The following SHISA9 variants were observed in gnomAD, a reference collection of about 807,000 sequenced individuals.
The protein encoded by SHISA9 is protein shisa-9.
A neutral mutation model predicts 38.0 loss-of-function variants in SHISA9; 13 were observed. The ratio of observed to expected loss-of-function variants is 0.34; its 90% CI spans 0.22 to 0.54. The LOEUF (loss-of-function observed/expected upper bound fraction) is 0.54, where lower values mean the gene tolerates loss of function less well. SHISA9 is among the 20% of genes least tolerant of loss of function. The probability of loss-of-function intolerance (pLI) is 0.91; values close to 1 mark genes in which losing one functional copy is unlikely to be tolerated. For synonymous variants in SHISA9, 275 were observed against 242.0 expected, an observed-to-expected ratio of 1.14 and a Z score of -1.27; for missense variants, 538 against 575.8, an observed-to-expected ratio of 0.93 and a Z score of 0.67.
the SHISA9 span, among the ~76,000 whole-genome samples, chr16:13,485,507 A>C: frequency 6.6e-6 from 1 of 152,094 alleles, no homozygotes; most frequent in East Asian, 1.9e-4. Flanking sequence ...ATATATAACA[A>C]TTGTACATAT....
chr16:13,222,585 C>G (rs1428286697), intron 4 of SHISA9, among the ~76,000 whole-genome samples: 1 of 152,114 alleles, frequency 6.6e-6, no homozygotes, highest in African/African-American at 2.4e-5. Flanking sequence ...GCTGGTAAAT[C>G]TAGTTCTGAG....
At chr16:13,538,788 A>T in the SHISA9 span, among the ~76,000 whole-genome samples, 1 of 152,238 alleles carries the variant, frequency 6.6e-6, no homozygotes, top group Non-Finnish European at 1.5e-5. Context: ...CATTCATTGA[A>T]TTATGAGGCA....
chr16:13,532,239 G>A, the SHISA9 span, among the ~76,000 whole-genome samples: 1 of 152,200 alleles, frequency 6.6e-6, no homozygotes, highest in Admixed American at 6.5e-5. Context: ...CAAATTCAAG[G>A]ATTCTGGGAC....
chr16:13,281,591 G>A, the SHISA9 span, among the ~76,000 whole-genome samples: 1 of 144,236 alleles, frequency 6.9e-6, no homozygotes, highest in Non-Finnish European at 1.5e-5. Flanking sequence ...TCTTTCTTGG[G>A]GTTATTTAAA....
the SHISA9 span, among the ~76,000 whole-genome samples, chr16:13,478,470 T>C: frequency 1.1e-4 from 16 of 152,214 alleles, no homozygotes; most frequent in Non-Finnish European, 1.5e-4. Context: ...TCTGGACTCC[T>C]CTGGGCCAGA....
intron 2 of SHISA9, among the ~76,000 whole-genome samples, chr16:13,128,849 C>T (rs1328336144): frequency 3.3e-5 from 5 of 152,148 alleles, no homozygotes; most frequent in Admixed American, 6.6e-5. Context: ...GTGTGTTGTA[C>T]CCATGATGGC....
At chr16:13,367,712 GCACACACACACACA>G in the SHISA9 span, among the ~76,000 whole-genome samples, 1,718 of 104,674 alleles carry the variant, frequency 0.016, 20 homozygotes, top group Middle Eastern at 0.046. Context: ...GCGCGCGCGC[GCACACACACACACA>G]CACACACACA....
At chr16:12,954,648 G>A (rs2071804569) in intron 2 of SHISA9, among the ~76,000 whole-genome samples, 1 of 152,118 alleles carries the variant, frequency 6.6e-6, no homozygotes, top group Non-Finnish European at 1.5e-5. Context: ...TAGATTTTAT[G>A]CTATTTTATA....
At chr16:12,950,237 A>G (rs1030191663) in intron 2 of SHISA9, among the ~76,000 whole-genome samples, 3 of 152,210 alleles carry the variant, frequency 2.0e-5, no homozygotes, top group Non-Finnish European at 2.9e-5. Flanking sequence ...TCCTCTGTGT[A>G]TATATACCAC....
At chr16:13,043,314 C>T (rs866142468) in intron 2 of SHISA9, among the ~76,000 whole-genome samples, 1 of 152,106 alleles carries the variant, frequency 6.6e-6, no homozygotes, top group South Asian at 2.1e-4. Context: ...AGTCATATGG[C>T]CACACCTAAC....
At chr16:13,371,101 A>G in the SHISA9 span, among the ~76,000 whole-genome samples, 1 of 152,206 alleles carries the variant, frequency 6.6e-6, no homozygotes, top group South Asian at 2.1e-4. Context: ...CCTACGTGGT[A>G]GATTTAATTA....
chr16:13,104,138 C>T (rs566738583), intron 2 of SHISA9, among the ~76,000 whole-genome samples: 35 of 152,228 alleles, frequency 2.3e-4, no homozygotes, highest in African/African-American at 7.0e-4. Flanking sequence ...TGCCCTCATA[C>T]GGTTGTCTAA....
At chr16:13,422,370 GA>G in the SHISA9 span, among the ~76,000 whole-genome samples, 1 of 152,102 alleles carries the variant, frequency 6.6e-6, no homozygotes, top group East Asian at 1.9e-4. Flanking sequence ...ACATAGCCTG[GA>G]GAAAACTACA....
chr16:13,215,682 T>C (rs774207489), intron 4 of SHISA9, among the ~76,000 whole-genome samples: 1 of 152,174 alleles, frequency 6.6e-6, no homozygotes, highest in Non-Finnish European at 1.5e-5. Context: ...CAAACCAAGC[T>C]AACTTCACCT....
the SHISA9 span, among the ~76,000 whole-genome samples, chr16:13,394,928 GGTGT>G: frequency 0.029 from 4,022 of 139,452 alleles, 71 homozygotes; most frequent in Middle Eastern, 0.054. Context: ...CAGTATCTGG[GGTGT>G]GTGTGTGTGT....
chr16:13,382,608 C>G, the SHISA9 span, among the ~76,000 whole-genome samples: 1 of 151,432 alleles, frequency 6.6e-6, no homozygotes. Context: ...CCTGTAATCC[C>G]AGGACTTTGG....
At chr16:13,057,150 G>A (rs888747751) in intron 2 of SHISA9, among the ~76,000 whole-genome samples, 2 of 152,204 alleles carry the variant, frequency 1.3e-5, no homozygotes, top group African/African-American at 2.4e-5. Context: ...GGGCTGGAGG[G>A]TTGTACCCAG....
chr16:13,434,000 T>C, the SHISA9 span, among the ~76,000 whole-genome samples: 2 of 152,194 alleles, frequency 1.3e-5, no homozygotes, highest in Non-Finnish European at 2.9e-5. Flanking sequence ...TAATAAGCCG[T>C]CTGCAAAGCT....
chr16:13,268,659 G>A, the SHISA9 span, among the ~76,000 whole-genome samples: 4 of 152,098 alleles, frequency 2.6e-5, no homozygotes, highest in Non-Finnish European at 4.4e-5. Flanking sequence ...CAATGTGAGC[G>A]TATTTTCCTT....
Sources: allele counts gnomAD v4.1 joint callset (sites outside exome capture counted in the v4.1 genomes callset), GRCh38; gene constraint gnomAD v4.1.1; transcripts MANE v1.5; gene names NCBI Gene and HGNC (gene_info 2026-07-23, HGNC 2026-07-21).